The following RAP1GAP2 variants were observed in gnomAD, a reference collection of about 807,000 sequenced individuals.
RAP1GAP2 encodes the protein rap1 GTPase-activating protein 2.
A neutral mutation model predicts 95.0 loss-of-function variants in RAP1GAP2; 27 were observed. The ratio of observed to expected loss-of-function variants is 0.28; its 90% CI spans 0.21 to 0.39. The LOEUF (loss-of-function observed/expected upper bound fraction) is 0.39, where lower values mean the gene tolerates loss of function less well. RAP1GAP2 is among the 10% of genes least tolerant of loss of function. The pLI, the probability that RAP1GAP2 is intolerant of heterozygous loss-of-function variation, is 1.00. For missense variants in RAP1GAP2, 771 were observed against 970.0 expected, an observed-to-expected ratio of 0.79 and a Z score of 2.72; for synonymous variants, 373 against 380.9, an observed-to-expected ratio of 0.98 and a Z score of 0.24.
intron 2 of RAP1GAP2, among the ~76,000 whole-genome samples, chr17:2,804,754 C>T (rs1184888081): frequency 6.6e-6 from 1 of 152,106 alleles, no homozygotes; most frequent in Non-Finnish European, 1.5e-5. Context: ...TATGGAGCCA[C>T]GTTGGAATGC....
chr17:2,985,056 AAGCC>A lies in RAP1GAP2; in HGVS notation c.806_809del (p.Ala269GlyfsTer43). 2 of 1,613,946 alleles carry A rather than the reference AAGCC, an allele frequency of 1.2e-6. No individual in the cohort carries two copies. The highest frequency in any genetic ancestry group is 1.7e-6 in the Non-Finnish European group (2 of 1,179,874). On this transcript the variant is annotated frameshift_variant, in exon 11 of 25. Transcript: ENST00000254695. LOFTEE classifies it high-confidence loss of function. ...TTCAAATTCGGAGTCATTTATCAAAAAGCCAGGCAGGTAAGCAGCACCATCCATA... is the reference window on the plus strand; with the variant it reads ...TTCAAATTCGGAGTCATTTATCAAAAAGGCAGGTAAGCAGCACCATCCATA...
rs533156589 is a variant in RAP1GAP2 at position 2,869,681 on chromosome 17, C to G, written c.81-35603C>G. ...GGGCTCTGTCCTGCCCAAGCTCACA[C>G]CCCCACTGAGGGTCACGTGTTGCTG... On this transcript the variant is annotated intron_variant, in intron 2 of 24. Transcript: ENST00000254695. Among the ~76,000 whole-genome samples the G allele has an allele frequency of 2.6e-5, 4 of 152,274 alleles. No homozygotes were observed. In the East Asian group the frequency reaches 7.7e-4, roughly 29 times the overall value.
intron 10 of RAP1GAP2, among the ~76,000 whole-genome samples, chr17:2,982,010 C>T (rs7213097): frequency 0.079 from 12,059 of 152,242 alleles, 866 homozygotes; most frequent in East Asian, 0.19. Context: ...CACGCTGCAG[C>T]GGCTGAGGCC....
rs1046813872 is a variant in RAP1GAP2 at position 3,035,210 on chromosome 17, G to A, written c.*1849G>A. ...TGTTTAGCTTTTATGAAGAGTCACCGTAGCAGCCCCCACGGCTGGAAAGAG... is the reference window on the plus strand; with the variant it reads ...TGTTTAGCTTTTATGAAGAGTCACCATAGCAGCCCCCACGGCTGGAAAGAG... On this transcript the variant is annotated 3_prime_UTR_variant, in exon 25 of 25. Transcript: ENST00000254695. This position sits in a 1 kb window ranked among gnomAD's most constrained non-coding sequence, Gnocchi z 4.3. 6.6e-6 allele frequency: 1 copy of A among 152,538 alleles called. No individual in the cohort carries two copies. Among genetic ancestry groups the A allele is most frequent in the South Asian group, 2.1e-4 (1 of 4,828 alleles). 9.4% of individuals were successfully genotyped at this position (152,538 alleles called of 1,614,324 possible).
rs1301237514 is a variant in RAP1GAP2, at chr17:2,965,474, G to T, written c.493-66G>T. ...GGGGCTTCTCCTGGTGAAGGAGGTG[G>T]TTTAGGGGGAACATACCTGGAAGGT... On this transcript the variant is annotated intron_variant, in intron 7 of 24. Transcript: ENST00000254695. This position sits in a 1 kb window ranked among gnomAD's most constrained non-coding sequence, Gnocchi z 4.7. 2.4e-6 allele frequency: 3 copies of T among 1,248,890 alleles called. No homozygotes were observed. The highest frequency in any genetic ancestry group is 3.0e-5 in the African/African-American group (2 of 67,328). The allele number at this position is 1,248,890 out of a possible 1,614,324, so 77.4% of individuals were successfully genotyped here.
Position 2,897,059 on chromosome 17 carries a change from A to G in RAP1GAP2, c.81-8225A>G, listed in dbSNP as rs1269274548. Among the ~76,000 whole-genome samples the G allele has an allele frequency of 4.2e-4, 64 of 152,324 alleles. 1 individual carries two copies. Among genetic ancestry groups the G allele is most frequent in the Admixed American group, 4.0e-3 (61 of 15,308 alleles). On this transcript the variant is annotated intron_variant, in intron 2 of 24. Transcript: ENST00000254695. Reference sequence around the variant, plus strand: ...CACTTTATAAACGGGTGTCCAGGCCAGGTGCGCTGGCTCACGCCTATAATC... The same window carrying G: ...CACTTTATAAACGGGTGTCCAGGCCGGGTGCGCTGGCTCACGCCTATAATC...
chr17:2,983,233 T>C (rs1346521726), intron 10 of RAP1GAP2, among the ~76,000 whole-genome samples: 1 of 152,200 alleles, frequency 6.6e-6, no homozygotes, highest in Non-Finnish European at 1.5e-5. Flanking sequence ...TTTTTTTTCT[T>C]TTTTAAATGT....
rs148723039 is a variant in RAP1GAP2, at chr17:2,845,204, A to G, written c.80+44654A>G. Reference sequence around the variant, plus strand: ...GTTGCTCACGCTGGAGTGCAGTTGCATGATCTCAGCTGACTGCAACCTCTG... The same window carrying G: ...GTTGCTCACGCTGGAGTGCAGTTGCGTGATCTCAGCTGACTGCAACCTCTG... On this transcript the variant is annotated intron_variant, in intron 2 of 24. Coordinates refer to ENST00000254695, the MANE Select transcript of RAP1GAP2 (RefSeq NM_015085.5). Among the ~76,000 whole-genome samples, 406 of 152,228 alleles carry G rather than the reference A, an allele frequency of 2.7e-3. 2 individuals are homozygous for G. Among genetic ancestry groups the G allele is most frequent in the African/African-American group, 9.1e-3 (378 of 41,550 alleles).
intron 3 of RAP1GAP2, among the ~76,000 whole-genome samples, chr17:2,937,831 C>T (rs751047853): frequency 1.4e-4 from 22 of 152,140 alleles, no homozygotes; most frequent in Middle Eastern, 3.2e-3. Flanking sequence ...TGACCTCCAG[C>T]GTCATTTTAA....
intron 2 of RAP1GAP2, among the ~76,000 whole-genome samples, chr17:2,901,574 G>A (rs1310225890): frequency 1.3e-5 from 2 of 152,176 alleles, no homozygotes; most frequent in African/African-American, 4.8e-5. Flanking sequence ...CAAAGAAGTT[G>A]TCACCTCGGC....
intron 3 of RAP1GAP2, among the ~76,000 whole-genome samples, chr17:2,948,304 G>A (rs2043783292): frequency 6.6e-6 from 1 of 151,058 alleles, no homozygotes; most frequent in Non-Finnish European, 1.5e-5. Flanking sequence ...GCAGAGGAGA[G>A]GAGCCCAGGG....
intron 2 of RAP1GAP2, among the ~76,000 whole-genome samples, chr17:2,852,233 G>A (rs1214262445): frequency 2.6e-5 from 4 of 151,920 alleles, no homozygotes; most frequent in African/African-American, 9.7e-5. Context: ...CTGCCTAACC[G>A]CCAATCTCAG....
At chr17:2,794,188 C>G (rs1339743954), upstream of RAP1GAP2, among the ~76,000 whole-genome samples, 2 of 152,078 alleles carry the variant, frequency 1.3e-5, no homozygotes, top group Admixed American at 6.5e-5. Context: ...TTTCCCCACA[C>G]TCTCCACAGC....
intron 13 of RAP1GAP2, 50 bp downstream of exon 13, chr17:2,995,516 G>C (rs182829462): frequency 6.2e-7 from 1 of 1,607,852 alleles, no homozygotes. Context: ...CGAGGTGAGG[G>C]CCTGCCTCTG....
Position 2,800,568 on chromosome 17 carries a change from G to A in RAP1GAP2, c.80+18G>A. 1 of 1,610,706 alleles carries A rather than the reference G, an allele frequency of 6.2e-7. No individual in the cohort carries two copies. Among genetic ancestry groups the A allele is most frequent in the Non-Finnish European group, 8.5e-7 (1 of 1,178,488 alleles). ...AAGGTCAAGTAAGTAGCAATTTCCT[G>A]TTCTGTAAAGGTCAGAGATGACGCG... On this transcript the variant is annotated intron_variant, in intron 2 of 24. Transcript: ENST00000254695.
chr17:2,982,803 A>G (rs930689802), intron 10 of RAP1GAP2, among the ~76,000 whole-genome samples: 1 of 151,860 alleles, frequency 6.6e-6, no homozygotes, highest in Non-Finnish European at 1.5e-5. Context: ...TATCCCTTGG[A>G]AAGCCTCGGG....
chr17:3,025,939 T>C, intron 19 of RAP1GAP2, 69 bp from the exon 20 acceptor site: 1 of 1,195,378 alleles, frequency 8.4e-7, no homozygotes, highest in Non-Finnish European at 1.2e-6. Flanking sequence ...AGGCTCTGCC[T>C]GGGGCCGTGG....
At chr17:2,878,022 G>A (rs1022603775) in intron 2 of RAP1GAP2, among the ~76,000 whole-genome samples, 6 of 152,056 alleles carry the variant, frequency 3.9e-5, no homozygotes, top group Admixed American at 2.6e-4. Context: ...CAGAGTGAAA[G>A]GCTTGTTGTT....
At position 2,965,559 on chromosome 17, in the gene RAP1GAP2, G is replaced by C. The variant is rs2044554902; in HGVS notation, c.512G>C (p.Cys171Ser). Residue 171 changes from cysteine to serine, a missense_variant, in exon 8 of 25, where the codon TGT becomes TCT. Physicochemically the swap from Cys to Ser is moderately radical, Grantham distance 112. Transcript: ENST00000254695. This position sits in a 1 kb window ranked among gnomAD's most constrained non-coding sequence, Gnocchi z 4.7. Reference sequence around the variant, plus strand: ...TTTTAGGATCATCTAAACTTTTACTGTACCGGCAGCAGCCTGGGGAACTTG... The same window carrying C: ...TTTTAGGATCATCTAAACTTTTACTCTACCGGCAGCAGCCTGGGGAACTTG... ...FLGKDHLNFY[C>S]TGSSLGNLIL... 6.2e-7 allele frequency: 1 copy of C among 1,612,188 alleles called. No individual in the cohort carries two copies. The highest frequency in any genetic ancestry group is 8.5e-7 in the Non-Finnish European group (1 of 1,179,314).
Sources: allele counts gnomAD v4.1 joint callset (sites outside exome capture counted in the v4.1 genomes callset), GRCh38; gene constraint gnomAD v4.1.1; non-coding constraint Gnocchi (gnomAD v3.1); transcripts MANE v1.5; gene names NCBI Gene and HGNC (gene_info 2026-07-23, HGNC 2026-07-21).